PKHD1L1: variants seen among roughly 807,000 people sequenced by gnomAD.
PKHD1L1 encodes PKHD1 like 1.
PKHD1L1 carries 434 observed loss-of-function variants against 462.9 expected under a neutral mutation model. The observed-to-expected ratio is 0.94, with a 90% confidence interval of 0.87 to 1.02. The LOEUF is 1.02. PKHD1L1 is among the 50% of genes least tolerant of loss of function. The pLI, the probability that PKHD1L1 is intolerant of heterozygous loss-of-function variation, is 0.00. For synonymous variants in PKHD1L1, 1,781 were observed against 1,750.0 expected (o/e 1.02, Z -0.44); for missense variants, 5,202 against 5,096.1 (o/e 1.02, Z -0.63).
intron 71 of PKHD1L1, among the ~76,000 whole-genome samples, chr8:109,514,004 A>T (rs1240820347): frequency 6.6e-6 from 1 of 151,956 alleles, no homozygotes; most frequent in Non-Finnish European, 1.5e-5. Context: ...CAATTTCCCT[A>T]TCGGTCTCTG....
Position 109,456,401 on chromosome 8 carries a change from C to G in PKHD1L1, c.7004+10C>G. On this transcript the variant is annotated intron_variant, in intron 46 of 77. Coordinates refer to ENST00000378402, the MANE Select transcript of PKHD1L1 (RefSeq NM_177531.6). ...CAAGCACAGGACACAGGTATGATAT[C>G]TTCTGGGCTTAATGATGTGTATTTA... The G allele has an allele frequency of 6.3e-7, 1 of 1,591,548 alleles. No individual in the cohort carries two copies. The highest frequency in any genetic ancestry group is 8.6e-7 in the Non-Finnish European group (1 of 1,169,534).
chr8:109,414,988 T>C (rs1586462690), intron 21 of PKHD1L1, among the ~76,000 whole-genome samples: 1 of 147,364 alleles, frequency 6.8e-6, no homozygotes, highest in South Asian at 2.1e-4. Flanking sequence ...TTATTATTAT[T>C]ATTATTATTA....
chr8:109,415,213 G>A (rs924411071), intron 21 of PKHD1L1, among the ~76,000 whole-genome samples: 1 of 151,726 alleles, frequency 6.6e-6, no homozygotes, highest in Non-Finnish European at 1.5e-5. Flanking sequence ...TGTTGCCACA[G>A]CTGGTCTTGA....
At chr8:109,370,654 C>A (rs1247245903) in intron 2 of PKHD1L1, among the ~76,000 whole-genome samples, 2 of 152,062 alleles carry the variant, frequency 1.3e-5, no homozygotes, top group African/African-American at 4.8e-5. Flanking sequence ...GCTATCCCTA[C>A]CCCCTACCCC....
intron 73 of PKHD1L1, among the ~76,000 whole-genome samples, chr8:109,520,276 T>C (rs1278891500): frequency 6.6e-6 from 1 of 152,106 alleles, no homozygotes; most frequent in African/African-American, 2.4e-5. Context: ...TTGCCTGTTA[T>C]TTTAGGAGTT....
intron 51 of PKHD1L1, among the ~76,000 whole-genome samples, chr8:109,476,041 T>C (rs573677773): frequency 6.6e-6 from 1 of 152,260 alleles, no homozygotes; most frequent in South Asian, 2.1e-4. Context: ...TTCCATCTTA[T>C]ACATGTTCTT....
intron 23 of PKHD1L1, among the ~76,000 whole-genome samples, chr8:109,421,783 C>CA (rs1395633813): frequency 3.3e-5 from 5 of 151,518 alleles, no homozygotes; most frequent in South Asian, 2.1e-4. Flanking sequence ...GACTCTGTCT[C>CA]AAAAAAAAGA....
intron 2 of PKHD1L1, among the ~76,000 whole-genome samples, chr8:109,369,658 G>A (rs1027084431): frequency 6.6e-6 from 1 of 151,700 alleles, no homozygotes; most frequent in Non-Finnish European, 1.5e-5. Flanking sequence ...TCTCACATCT[G>A]GAACCACACC....
In PKHD1L1 at chr8:109,385,726, T is replaced by C. The variant is rs992237176; in HGVS notation, c.569+96T>C. 4 of 762,260 alleles carry C rather than the reference T, an allele frequency of 5.2e-6. No individual in the cohort carries two copies. The African/African-American group carries it at 7.3e-5, about 14-fold the overall frequency. 47.2% of individuals were successfully genotyped at this position (762,260 alleles called of 1,614,324 possible). A position where few individuals can be genotyped will look rare whatever the true frequency, so the allele number is the denominator to read the frequency against. On this transcript the variant is annotated intron_variant, in intron 6 of 77. Coordinates refer to ENST00000378402, the MANE Select transcript of PKHD1L1 (RefSeq NM_177531.6). The stretch of plus-strand genomic sequence containing the variant: ...CCAATGATATTAAATCCCATTACAA[T>C]GTAATATAACTAACCAGTGTTTTTT...
Position 109,443,848 on chromosome 8 carries a change from T to C in PKHD1L1, c.4737T>C (p.Asn1579=). 6.2e-7 allele frequency: 1 copy of C among 1,613,858 alleles called. No individual in the cohort carries two copies. The highest frequency in any genetic ancestry group is 2.2e-5 in the East Asian group (1 of 44,886). The change falls in exon 37 of 78, where the codon AAT becomes AAC. Residue 1579 remains asparagine, a synonymous_variant. Coordinates refer to ENST00000378402, the MANE Select transcript of PKHD1L1 (RefSeq NM_177531.6). ...SNITPSTGTV[N]ELITIIGHGF... The stretch of plus-strand genomic sequence containing the variant: ...TTACTCCGTCCACTGGAACAGTAAA[T>C]GAACTAATAACAATTATTGGACATG...
chr8:109,378,236 C>T (rs920407844), intron 2 of PKHD1L1, among the ~76,000 whole-genome samples: 10 of 152,312 alleles, frequency 6.6e-5, no homozygotes, highest in South Asian at 2.1e-4. Context: ...TCCCATTTTT[C>T]ACTGAGATAA....
intron 52 of PKHD1L1, 110 bp from the exon 53 acceptor site, chr8:109,477,112 AATT>A (rs1818028007): frequency 3.2e-6 from 3 of 946,398 alleles, no homozygotes; most frequent in African/African-American, 1.6e-5. Flanking sequence ...CATACATGTG[AATT>A]ATAATTCAAG....
intron 38 of PKHD1L1, 100 bp downstream of exon 38, chr8:109,445,745 T>G: frequency 8.0e-7 from 1 of 1,252,832 alleles, no homozygotes; most frequent in Non-Finnish European, 1.1e-6. Context: ...TAAGGTGTGT[T>G]TATAAATGTT....
Position 109,497,202 on chromosome 8 carries a change from C to T in PKHD1L1, c.10529C>T (p.Ala3510Val). 1 of 1,613,288 alleles carries T rather than the reference C, an allele frequency of 6.2e-7. No homozygotes were observed. Among genetic ancestry groups the T allele is most frequent in the Non-Finnish European group, 8.5e-7 (1 of 1,179,522 alleles). Residue 3510 changes from alanine to valine, a missense_variant, in exon 65 of 78, where the codon GCC becomes GTC. Physicochemically the swap from Ala to Val is moderately conservative, Grantham distance 64 (BLOSUM62 0). Around this residue, in one of 3 missense-constraint regions of PKHD1L1, gnomAD observed 4,497 missense variants for 4,336.8 expected, o/e 1.04. Coordinates refer to ENST00000378402, the MANE Select transcript of PKHD1L1 (RefSeq NM_177531.6). ...GTGACCCTGGTTGACAATGGAATGG[C>T]CATTTTTCCAATGATTTACATGCCA... is the stretch of plus-strand genomic sequence containing the variant. ...YNVTLVDNGM[A>V]IFPMIYMPAA...
At chr8:109,385,743 G>C in intron 6 of PKHD1L1, 113 bp downstream of exon 6, 1 of 578,968 alleles carries the variant, frequency 1.7e-6, no homozygotes, top group Non-Finnish European at 2.7e-6. Context: ...TAACTAACCA[G>C]TGTTTTTTTT....
intron 76 of PKHD1L1, among the ~76,000 whole-genome samples, chr8:109,524,485 T>C (rs1239011468): frequency 6.6e-6 from 1 of 152,114 alleles, no homozygotes; most frequent in Non-Finnish European, 1.5e-5. Context: ...GAATCCTACC[T>C]GAAAAGAAGT....
chr8:109,491,476 C>T (rs73313157), intron 61 of PKHD1L1, among the ~76,000 whole-genome samples: 1,949 of 151,888 alleles, frequency 0.013, 46 homozygotes, highest in African/African-American at 0.044. Flanking sequence ...AAATTTAATA[C>T]TCCTCACTTA....
At position 109,362,628 on chromosome 8, in the gene PKHD1L1, C is replaced by T. The variant is rs1449841832; in HGVS notation, c.48C>T (p.Leu16=). ...GTATTTGGGGCCTCTGTGGGCTGCT[C>T]CTGTGTGCCGCGGATCCCAGCACAG... ...LLGIWGLCGL[L]LCAADPSTDG... The change falls in exon 1 of 78, where the codon CTC becomes CTT. Residue 16 remains leucine, a synonymous_variant. Transcript: ENST00000378402. 2 of 1,607,974 alleles carry T rather than the reference C, an allele frequency of 1.2e-6. No individual in the cohort carries two copies. Among genetic ancestry groups the T allele is most frequent in the Non-Finnish European group, 1.7e-6 (2 of 1,177,366 alleles).
intron 15 of PKHD1L1, 114 bp downstream of exon 15, chr8:109,404,827 C>A (rs1813449213): frequency 8.3e-7 from 1 of 1,204,134 alleles, no homozygotes; most frequent in Non-Finnish European, 1.1e-6. Context: ...CAGTCATGGA[C>A]AATTATTAAA....
Sources: gnomAD v4.1 joint callset for allele counts (sites outside exome capture counted in the v4.1 genomes callset) on GRCh38, gnomAD v4.1.1 for gene constraint, gnomAD v4.1.1 regional missense constraint, MANE v1.5 for transcripts, NCBI Gene and HGNC (gene_info 2026-07-23, HGNC 2026-07-21) for gene names.